Variants in IL1RAPL1 observed in about 807,000 individuals in gnomAD.
IL1RAPL1 encodes interleukin 1 receptor accessory protein like 1.
IL1RAPL1 carries 3 observed loss-of-function variants against 48.4 expected under a neutral mutation model. That is an observed-to-expected ratio of 0.06 (90% CI 0.03 to 0.16). IL1RAPL1 has a LOEUF of 0.16. IL1RAPL1 is among the 10% of genes least tolerant of loss of function. The pLI, the probability that IL1RAPL1 is intolerant of heterozygous loss-of-function variation, is 1.00. For missense variants in IL1RAPL1, 349 were observed against 530.6 expected (o/e 0.66, Z 3.36); for synonymous variants, 185 against 187.7 (o/e 0.99, Z 0.12).
chrX:28,972,886 G>A (rs1002471562), intron 2 of IL1RAPL1, among the ~76,000 whole-genome samples: 4 of 110,964 alleles, frequency 3.6e-5, no homozygotes, highest in African/African-American at 1.3e-4. Context: ...TCACCTTCTC[G>A]TACATCTTAT....
chrX:29,693,708 A>G (rs1490622665), intron 6 of IL1RAPL1, among the ~76,000 whole-genome samples: 1 of 112,374 alleles, frequency 8.9e-6, no homozygotes, highest in Non-Finnish European at 1.9e-5. Context: ...GACAACGTGA[A>G]TGACAGTCAG....
At chrX:29,629,748 A>G (rs1489118511) in intron 5 of IL1RAPL1, among the ~76,000 whole-genome samples, 4 of 111,948 alleles carry the variant, frequency 3.6e-5, no homozygotes, top group African/African-American at 1.3e-4. Flanking sequence ...AGTTTCATGA[A>G]CCACAGTCAA....
At chrX:28,891,215 AGTC>A (rs1470440099) in intron 2 of IL1RAPL1, among the ~76,000 whole-genome samples, 1 of 111,834 alleles carries the variant, frequency 8.9e-6, no homozygotes, top group African/African-American at 3.2e-5. Flanking sequence ...TAATTCAGTC[AGTC>A]AATTGGTCAT....
At chrX:29,913,063 C>T (rs959224392) in intron 6 of IL1RAPL1, among the ~76,000 whole-genome samples, 6 of 111,043 alleles carry the variant, frequency 5.4e-5, no homozygotes, top group African/African-American at 2.0e-4. Context: ...TGATTAATTA[C>T]TTTTTCCCAA....
intron 5 of IL1RAPL1, among the ~76,000 whole-genome samples, chrX:29,460,074 A>G (rs1934785011): frequency 9.0e-6 from 1 of 111,585 alleles, no homozygotes; most frequent in Non-Finnish European, 1.9e-5. Context: ...TAGTCCCACC[A>G]TATGCACCAG....
chrX:29,051,427 G>A, intron 2 of IL1RAPL1, among the ~76,000 whole-genome samples: 1 of 112,165 alleles, frequency 8.9e-6, no homozygotes, highest in Non-Finnish European at 1.9e-5. Context: ...TTTCTTCCAG[G>A]AGGCTAGAAT....
chrX:29,766,701 T>TAATATATA lies in IL1RAPL1; in HGVS notation c.778+98199_778+98206dup, dbSNP rs912929897. ...TAAATATAAAGTATATATTAATATATAATATATAATATATGATATAAACAA... is the reference window on the plus strand; with the variant it reads ...TAAATATAAAGTATATATTAATATATAATATATAAATATATAATATATGATATAAACAA... On this transcript the variant is annotated intron_variant, in intron 6 of 10. Coordinates refer to ENST00000378993, the MANE Select transcript of IL1RAPL1 (RefSeq NM_014271.4). 4.3e-3 allele frequency among the ~76,000 whole-genome samples: 401 copies of TAATATATA among 93,157 alleles called. 2 individuals are homozygous for TAATATATA. Among genetic ancestry groups the TAATATATA allele is most frequent in the African/African-American group, 0.017 (388 of 23,208 alleles). The allele number at this position is 93,157 out of a possible 115,157, so 80.9% of individuals were successfully genotyped here. A position where few individuals can be genotyped will look rare whatever the true frequency, so the allele number is the denominator to read the frequency against.
At chrX:28,611,145 C>A (rs1332167472) in intron 1 of IL1RAPL1, among the ~76,000 whole-genome samples, 1 of 111,598 alleles carries the variant, frequency 9.0e-6, no homozygotes, top group African/African-American at 3.3e-5. Flanking sequence ...GCTTCCCCAC[C>A]AAATCTTTGT....
chrX:29,241,776 T>C (rs901158238), intron 2 of IL1RAPL1, among the ~76,000 whole-genome samples: 2 of 112,378 alleles, frequency 1.8e-5, no homozygotes, highest in African/African-American at 3.2e-5. Context: ...TTCTGCCTTA[T>C]TGTATATGGA....
chrX:29,192,746 T>C (rs1380826717), intron 2 of IL1RAPL1, among the ~76,000 whole-genome samples: 1 of 111,886 alleles, frequency 8.9e-6, no homozygotes, highest in Non-Finnish European at 1.9e-5. Flanking sequence ...ACAAAAAATA[T>C]ATGTAGCAAT....
intron 1 of IL1RAPL1, among the ~76,000 whole-genome samples, chrX:28,755,664 C>A (rs1379546011): frequency 8.9e-6 from 1 of 112,301 alleles, no homozygotes; most frequent in Non-Finnish European, 1.9e-5. Flanking sequence ...GGTTGTACTT[C>A]TAAACTTTAG....
chrX:28,711,667 G>A (rs759320503), intron 1 of IL1RAPL1, among the ~76,000 whole-genome samples: 4 of 108,279 alleles, frequency 3.7e-5, no homozygotes, highest in African/African-American at 1.0e-4. Context: ...TTACCATTAC[G>A]TAGGAGAATT....
chrX:29,132,059 A>G (rs186766749), intron 2 of IL1RAPL1, among the ~76,000 whole-genome samples: 193 of 111,642 alleles, frequency 1.7e-3, no homozygotes, highest in Non-Finnish European at 1.8e-3. Context: ...TGTAGTGTAA[A>G]TATTTATGTG....
chrX:29,803,963 A>G (rs1349640400), intron 6 of IL1RAPL1, among the ~76,000 whole-genome samples: 2 of 111,198 alleles, frequency 1.8e-5, no homozygotes, highest in African/African-American at 3.3e-5. Flanking sequence ...CTACTTTAAT[A>G]TGCTTGATTA....
chrX:29,859,135 A>G (rs930857074), intron 6 of IL1RAPL1, among the ~76,000 whole-genome samples: 1 of 111,450 alleles, frequency 9.0e-6, no homozygotes, highest in African/African-American at 3.3e-5. Flanking sequence ...TCTCTGGGCA[A>G]TCTCATTCTG....
chrX:29,070,009 G>C (rs1927532062), intron 2 of IL1RAPL1, among the ~76,000 whole-genome samples: 1 of 111,578 alleles, frequency 9.0e-6, no homozygotes, highest in African/African-American at 3.3e-5. Flanking sequence ...TTATAATTCA[G>C]GAATTAGTTA....
intron 2 of IL1RAPL1, among the ~76,000 whole-genome samples, chrX:28,921,357 G>A (rs934892030): frequency 5.3e-5 from 6 of 112,215 alleles, no homozygotes; most frequent in African/African-American, 1.9e-4. Context: ...GTTAAAGGGT[G>A]ATTGTTAGGA....
At chrX:29,341,571 G>A (rs1487265195) in intron 3 of IL1RAPL1, among the ~76,000 whole-genome samples, 2 of 111,573 alleles carry the variant, frequency 1.8e-5, no homozygotes, top group South Asian at 7.6e-4. Flanking sequence ...TGAAAAGCCA[G>A]TGAGGATTTT....
At chrX:29,711,891 G>C (rs1196398163) in intron 6 of IL1RAPL1, among the ~76,000 whole-genome samples, 1 of 111,111 alleles carries the variant, frequency 9.0e-6, no homozygotes, top group Non-Finnish European at 1.9e-5. Context: ...TCACCTACTA[G>C]GTTGCTAAGC....
Sources: gnomAD v4.1 joint callset for allele counts (sites outside exome capture counted in the v4.1 genomes callset) on GRCh38, gnomAD v4.1.1 for gene constraint, MANE v1.5 for transcripts, NCBI Gene and HGNC (gene_info 2026-07-23, HGNC 2026-07-21) for gene names.